Variants in NKAP observed in about 807,000 individuals in gnomAD.
The protein encoded by NKAP is NFKB activating protein, also known as NF-kappa-B-activating protein.
NKAP carries 4 observed loss-of-function variants against 35.6 expected under a neutral mutation model. That is an observed-to-expected ratio of 0.11 (90% CI 0.06 to 0.26). NKAP has a LOEUF of 0.26. Ranked by LOEUF, NKAP falls within the 10% of genes least tolerant of loss-of-function variation. The pLI, the probability that NKAP is intolerant of heterozygous loss-of-function variation, is 1.00. For missense variants in NKAP, 238 were observed against 321.9 expected, an observed-to-expected ratio of 0.74 and a Z score of 1.99; for synonymous variants, 106 against 119.2, an observed-to-expected ratio of 0.89 and a Z score of 0.72.
chrX:119,943,729 G>A lies in NKAP; in HGVS notation c.-124C>T, dbSNP rs1465786007. The A allele has an allele frequency of 2.4e-6, 2 of 841,679 alleles. No homozygotes were observed. The highest frequency in any genetic ancestry group is 3.2e-6 in the Non-Finnish European group (2 of 620,850). The allele number at this position is 841,679 out of a possible 1,213,427, so 69.4% of individuals were successfully genotyped here. A position where few individuals can be genotyped will look rare whatever the true frequency, so the allele number is the denominator to read the frequency against. On this transcript the variant is annotated 5_prime_UTR_variant, in exon 1 of 9. Transcript: ENST00000371410. ...ACAGCCCAAATCTGAGGAAACCTTG[G>A]ACACAGTTCTGGGTACTTCTGCAAA...
At chrX:119,935,943 GC>G (rs1307966527) in intron 4 of NKAP, among the ~76,000 whole-genome samples, 3 of 111,834 alleles carry the variant, frequency 2.7e-5, no homozygotes, top group Non-Finnish European at 3.8e-5. Context: ...CTTTGGTACA[GC>G]CCAACCCCCT....
chrX:119,943,184 G>C, intron 1 of NKAP, 36 bp downstream of exon 1: 1 of 1,151,182 alleles, frequency 8.7e-7, no homozygotes, highest in Non-Finnish European at 1.2e-6. Flanking sequence ...AAGGCACGTA[G>C]GCTCGTACAA....
chrX:119,926,271 T>C (rs929275719), intron 8 of NKAP, among the ~76,000 whole-genome samples: 16 of 107,427 alleles, frequency 1.5e-4, no homozygotes, highest in South Asian at 4.1e-4. Flanking sequence ...TTTTTTCTTT[T>C]CTCCTTTTTG....
intron 2 of NKAP, 121 bp from the exon 3 acceptor site, chrX:119,936,803 G>C (rs775921777): frequency 3.8e-6 from 2 of 526,405 alleles, no homozygotes; most frequent in South Asian, 6.2e-5. Context: ...ACCATTAAAA[G>C]CAAGCATTGG....
intron 8 of NKAP, among the ~76,000 whole-genome samples, chrX:119,929,375 A>G (rs2056730404): frequency 8.9e-6 from 1 of 112,112 alleles, no homozygotes; most frequent in African/African-American, 3.2e-5. Context: ...AAAAAAGTTT[A>G]TCAAGTTTTA....
chrX:119,930,227 A>G (rs1458461230), intron 7 of NKAP, 62 bp from the exon 8 acceptor site: 73 of 1,074,730 alleles, frequency 6.8e-5, no homozygotes, highest in Non-Finnish European at 8.7e-5. Context: ...AAAAGCTTAT[A>G]ATCTAAAGAG....
Position 119,923,541 on chromosome X carries a change from T to C in NKAP, c.*1679A>G, listed in dbSNP as rs901208726. On this transcript the variant is annotated 3_prime_UTR_variant, in exon 9 of 9. Transcript: ENST00000371410. ...TCTTGACCATAGTTGACTCCTATTC[T>C]TTTGGATGTTATCCTATCCTCAAGC... is the stretch of plus-strand genomic sequence containing the variant. 21 of 112,858 alleles carry C rather than the reference T, an allele frequency of 1.9e-4. No homozygotes were observed. The East Asian group carries it at 5.2e-3, about 28-fold the overall frequency. The allele number at this position is 112,858 out of a possible 1,213,427, so 9.3% of individuals were successfully genotyped here.
intron 2 of NKAP, 60 bp from the exon 3 acceptor site, chrX:119,936,742 T>TTCATATCTTTACACTCCATG: frequency 1.1e-6 from 1 of 896,818 alleles, no homozygotes; most frequent in Non-Finnish European, 1.6e-6. Flanking sequence ...GACCATGGAG[T>TTCATATCTTTACACTCCATG]GTAAAGATAT....
chrX:119,943,118 CA>C, intron 1 of NKAP, 101 bp downstream of exon 1: 1 of 1,025,417 alleles, frequency 9.8e-7, no homozygotes, highest in Non-Finnish European at 1.3e-6. Context: ...GCAAGGCAAG[CA>C]GAGTGAGCGA....
Position 119,925,012 on chromosome X carries a change from G to A in NKAP, c.*208C>T, listed in dbSNP as rs2056704038. On this transcript the variant is annotated 3_prime_UTR_variant, in exon 9 of 9. Coordinates refer to ENST00000371410, the MANE Select transcript of NKAP (RefSeq NM_024528.4). ...ATAATTTGGATTTTTAAACCAGAAA[G>A]TTACTATGGTCAATCCAAAATAACC... is the stretch of plus-strand genomic sequence containing the variant. The A allele has an allele frequency of 2.3e-6, 1 of 429,777 alleles. No homozygotes were observed. The highest frequency in any genetic ancestry group is 3.9e-6 in the Non-Finnish European group (1 of 259,143). 35.4% of individuals were successfully genotyped at this position (429,777 alleles called of 1,213,427 possible).
chrX:119,934,401 C>G, intron 5 of NKAP, 93 bp downstream of exon 5: 1 of 537,403 alleles, frequency 1.9e-6, no homozygotes, highest in Non-Finnish European at 2.6e-6. Flanking sequence ...CCACTGCACT[C>G]TGTTGCCTGA....
chrX:119,921,864 C>A lies in NKAP; in HGVS notation c.*3356G>T, dbSNP rs1376696694. The A allele has an allele frequency of 1.8e-5, 2 of 111,417 alleles. No individual in the cohort carries two copies. Among genetic ancestry groups the A allele is most frequent in the Admixed American group, 9.7e-5 (1 of 10,348 alleles). 9.2% of individuals were successfully genotyped at this position (111,417 alleles called of 1,213,427 possible). On this transcript the variant is annotated 3_prime_UTR_variant, in exon 9 of 9. Transcript: ENST00000371410. Reference sequence around the variant, plus strand: ...TTTTATTTGTTTGTTTATTTAGAGACGGAGTCTCATTCTGTCTCCCAGGCC... The same window carrying A: ...TTTTATTTGTTTGTTTATTTAGAGAAGGAGTCTCATTCTGTCTCCCAGGCC...
In NKAP at chrX:119,943,617, G is replaced by A. The variant is rs1296296129; in HGVS notation, c.-12C>T. 1.7e-6 allele frequency: 2 copies of A among 1,159,237 alleles called. No homozygotes were observed. On this transcript the variant is annotated 5_prime_UTR_variant, in exon 1 of 9. Coordinates refer to ENST00000371410, the MANE Select transcript of NKAP (RefSeq NM_024528.4). The stretch of plus-strand genomic sequence containing the variant: ...GACACCGGAGCCATGGCTACTGGGG[G>A]GCCCCAGCAGCCGTGGGACAAGGGG...
intron 1 of NKAP, among the ~76,000 whole-genome samples, chrX:119,942,582 G>C (rs1376867216): frequency 8.9e-6 from 1 of 111,768 alleles, no homozygotes; most frequent in Non-Finnish European, 1.9e-5. Flanking sequence ...TCAAGACTGA[G>C]ACCACTTAAC....
At chrX:119,933,267 G>A (rs1250628344) in intron 5 of NKAP, among the ~76,000 whole-genome samples, 2 of 111,852 alleles carry the variant, frequency 1.8e-5, no homozygotes, top group Non-Finnish European at 3.8e-5. Flanking sequence ...GTTGATGAGG[G>A]TAAGTTTCTC....
Position 119,943,702 on chromosome X carries a change from G to A in NKAP, c.-97C>T, listed in dbSNP as rs1603381104. 3.1e-6 allele frequency: 3 copies of A among 977,673 alleles called. No homozygotes were observed. The highest frequency in any genetic ancestry group is 6.5e-5 in the East Asian group (2 of 30,965). 80.6% of individuals were successfully genotyped at this position (977,673 alleles called of 1,213,427 possible). A position where few individuals can be genotyped will look rare whatever the true frequency, so the allele number is the denominator to read the frequency against. On this transcript the variant is annotated 5_prime_UTR_variant, in exon 1 of 9. Coordinates refer to ENST00000371410, the MANE Select transcript of NKAP (RefSeq NM_024528.4). ...TTGGTTCCCGGGACCTGCCGCTGCG[G>A]AACAGCCCAAATCTGAGGAAACCTT...
chrX:119,927,486 A>C (rs1414587656), intron 8 of NKAP, among the ~76,000 whole-genome samples: 1 of 111,812 alleles, frequency 8.9e-6, no homozygotes, highest in East Asian at 2.8e-4. Flanking sequence ...CTGGGACTAC[A>C]GGCACTAGCC....
chrX:119,939,443 C>T (rs925782259), intron 1 of NKAP, among the ~76,000 whole-genome samples: 1 of 110,726 alleles, frequency 9.0e-6, no homozygotes, highest in Non-Finnish European at 1.9e-5. Flanking sequence ...TGCGCCATCA[C>T]GCCTGGCTAA....
rs770913366 is a variant in NKAP, at chrX:119,935,953, CT to C, written c.673+343del. On this transcript the variant is annotated intron_variant, in intron 4 of 8. Coordinates refer to ENST00000371410, the MANE Select transcript of NKAP (RefSeq NM_024528.4). The stretch of plus-strand genomic sequence containing the variant: ...GCTTACTTTGGTACAGCCCAACCCC[CT>C]GACTTGGTCTGGTGCCATGTGCCTT... 1.2e-4 allele frequency among the ~76,000 whole-genome samples: 13 copies of C among 112,001 alleles called. No homozygotes were observed. The East Asian group carries it at 2.5e-3, about 22-fold the overall frequency.
Sources: gnomAD v4.1 joint callset for allele counts (sites outside exome capture counted in the v4.1 genomes callset) on GRCh38, gnomAD v4.1.1 for gene constraint, MANE v1.5 for transcripts, NCBI Gene and HGNC (gene_info 2026-07-23, HGNC 2026-07-21) for gene names.